PCGF5: variants seen among roughly 807,000 people sequenced by gnomAD.
PCGF5 encodes the protein polycomb group RING finger protein 5.
Under a neutral mutation model 44.3 loss-of-function variants are expected in PCGF5, and 9 were observed. The observed-to-expected ratio is 0.20, with a 90% confidence interval of 0.12 to 0.35. The LOEUF (loss-of-function observed/expected upper bound fraction) is 0.35, where lower values mean the gene tolerates loss of function less well. PCGF5 is among the 10% of genes least tolerant of loss of function. The pLI, the probability that PCGF5 is intolerant of heterozygous loss-of-function variation, is 1.00. For missense variants in PCGF5, 146 were observed against 305.3 expected (o/e 0.48, Z 3.89); for synonymous variants, 95 against 102.5 (o/e 0.93, Z 0.44).
chr10:91,262,424 T>C (rs867839424), intron 7 of PCGF5, among the ~76,000 whole-genome samples: 2 of 151,690 alleles, frequency 1.3e-5, no homozygotes, highest in African/African-American at 2.4e-5. Context: ...TGAGACTCCA[T>C]CTCAAAAAAA....
chr10:91,176,406 A>G (rs11186484), intron 1 of PCGF5, among the ~76,000 whole-genome samples: 54,663 of 151,896 alleles, frequency 0.36, 10,652 homozygotes, highest in East Asian at 0.52. Context: ...TGCTCTTCTC[A>G]AGGAGTATCT....
rs1259600040 is a variant in PCGF5, at chr10:91,283,310, G to A, written c.*4994G>A. The A allele has an allele frequency of 6.6e-6, 1 of 152,154 alleles. No homozygotes were observed. Among genetic ancestry groups the A allele is most frequent in the African/African-American group, 2.4e-5 (1 of 41,428 alleles). The allele number at this position is 152,154 out of a possible 1,614,324, so 9.4% of individuals were successfully genotyped here. A position where few individuals can be genotyped will look rare whatever the true frequency, so the allele number is the denominator to read the frequency against. On this transcript the variant is annotated 3_prime_UTR_variant, in exon 10 of 10. Coordinates refer to ENST00000336126, the MANE Select transcript of PCGF5 (RefSeq NM_032373.5). Reference sequence around the variant, plus strand: ...AATTATTTTAAATGCTCATTCAAATGTGTCTGTATACTTGCTATGCCCCTT... The same window carrying A: ...AATTATTTTAAATGCTCATTCAAATATGTCTGTATACTTGCTATGCCCCTT...
intron 1 of PCGF5, among the ~76,000 whole-genome samples, chr10:91,163,812 G>A (rs565138424): frequency 6.6e-6 from 1 of 151,530 alleles, no homozygotes; most frequent in South Asian, 2.1e-4. Context: ...CCCCCTGCGG[G>A]CGCTGCCCGC....
intron 1 of PCGF5, among the ~76,000 whole-genome samples, chr10:91,173,578 CTTT>C (rs59254639): frequency 2.6e-5 from 3 of 115,626 alleles, no homozygotes; most frequent in Non-Finnish European, 3.4e-5. Context: ...AGGGAGTTGG[CTTT>C]TTTTTTTTTT....
chr10:91,156,621 G>A, the PCGF5 span, among the ~76,000 whole-genome samples: 1 of 152,140 alleles, frequency 6.6e-6, no homozygotes, highest in East Asian at 1.9e-4. Flanking sequence ...GAGATTGCCT[G>A]TGTCATTCCC....
chr10:91,227,001 C>T (rs559437191), intron 2 of PCGF5, among the ~76,000 whole-genome samples: 4 of 151,880 alleles, frequency 2.6e-5, no homozygotes, highest in East Asian at 1.9e-4. Context: ...GAACTAAATC[C>T]GCATTAACCA....
intron 2 of PCGF5, among the ~76,000 whole-genome samples, chr10:91,239,695 T>C (rs1190596336): frequency 1.3e-5 from 2 of 152,176 alleles, no homozygotes; most frequent in Non-Finnish European, 1.5e-5. Flanking sequence ...AACATTGGCA[T>C]AGTATGTAGT....
intron 1 of PCGF5, among the ~76,000 whole-genome samples, chr10:91,164,787 C>G (rs919519097): frequency 6.6e-6 from 1 of 152,190 alleles, no homozygotes; most frequent in East Asian, 1.9e-4. Flanking sequence ...TTCTTGATCG[C>G]CTTCATTATC....
chr10:91,169,356 A>G (rs1460799203), intron 1 of PCGF5, among the ~76,000 whole-genome samples: 3 of 152,238 alleles, frequency 2.0e-5, no homozygotes, highest in Non-Finnish European at 4.4e-5. Flanking sequence ...TGAAGATGAC[A>G]TGATTGTTTA....
chr10:91,181,706 C>T (rs942557168), intron 1 of PCGF5, among the ~76,000 whole-genome samples: 6 of 152,110 alleles, frequency 3.9e-5, no homozygotes, highest in South Asian at 4.1e-4. Flanking sequence ...CCTTGCATCC[C>T]GGGGATGAAG....
At chr10:91,187,799 A>AT (rs1015376346) in intron 1 of PCGF5, among the ~76,000 whole-genome samples, 1 of 152,082 alleles carries the variant, frequency 6.6e-6, no homozygotes, top group Admixed American at 6.5e-5. Context: ...GAATTCTAGT[A>AT]TTTATTTTTC....
chr10:91,273,065 CCTT>C (rs1334674134), intron 9 of PCGF5, among the ~76,000 whole-genome samples: 3 of 152,114 alleles, frequency 2.0e-5, no homozygotes, highest in African/African-American at 7.2e-5. Context: ...AATTCTCGTG[CCTT>C]CATTAAAATG....
intron 1 of PCGF5, among the ~76,000 whole-genome samples, chr10:91,193,937 A>G (rs540124934): frequency 6.6e-6 from 1 of 152,296 alleles, no homozygotes; most frequent in South Asian, 2.1e-4. Flanking sequence ...TTTGTGACTT[A>G]GATTTGGGAT....
At chr10:91,264,827 T>C (rs1846008550) in intron 8 of PCGF5, among the ~76,000 whole-genome samples, 1 of 152,184 alleles carries the variant, frequency 6.6e-6, no homozygotes, top group Non-Finnish European at 1.5e-5. Flanking sequence ...TTGGAACATT[T>C]ATGTATATGG....
At chr10:91,238,434 TTGTTC>T (rs1564644892) in intron 2 of PCGF5, among the ~76,000 whole-genome samples, 1 of 152,154 alleles carries the variant, frequency 6.6e-6, no homozygotes. Flanking sequence ...AGGTGAGGAC[TTGTTC>T]TGGGCATGTC....
rs1846411313 is a variant in PCGF5 at position 91,279,918 on chromosome 10, A to G, written c.*1602A>G. ...ACAAAGTACAGCTAAATCTTAATAT[A>G]TTTCACTATGTAAAAGGCTGAAACT... is the stretch of plus-strand genomic sequence containing the variant. On this transcript the variant is annotated 3_prime_UTR_variant, in exon 10 of 10. Transcript: ENST00000336126. The G allele has an allele frequency of 6.6e-6, 1 of 152,080 alleles. No individual in the cohort carries two copies. The highest frequency in any genetic ancestry group is 1.5e-5 in the Non-Finnish European group (1 of 67,928). 9.4% of individuals were successfully genotyped at this position (152,080 alleles called of 1,614,324 possible). A position where few individuals can be genotyped will look rare whatever the true frequency, so the allele number is the denominator to read the frequency against.
intron 1 of PCGF5, among the ~76,000 whole-genome samples, chr10:91,200,153 C>A (rs902175061): frequency 7.2e-5 from 11 of 152,306 alleles, no homozygotes; most frequent in Admixed American, 3.9e-4. Context: ...GGAGAGGGCC[C>A]AGCCTGCTCC....
chr10:91,163,086 G>C (rs1010161792), intron 1 of PCGF5: 3 of 149,446 alleles, frequency 2.0e-5, no homozygotes, highest in African/African-American at 4.9e-5. Context: ...AGCAAGGTAA[G>C]GGCGATGCGC....
upstream of PCGF5, among the ~76,000 whole-genome samples, chr10:91,162,192 A>C (rs975812926): frequency 4.0e-5 from 6 of 151,450 alleles, no homozygotes; most frequent in African/African-American, 1.5e-4. Flanking sequence ...AGACTGAAAA[A>C]TGGAGGCCCA....
Sources: gnomAD v4.1 joint callset for allele counts (sites outside exome capture counted in the v4.1 genomes callset) on GRCh38, gnomAD v4.1.1 for gene constraint, MANE v1.5 for transcripts, NCBI Gene and HGNC (gene_info 2026-07-23, HGNC 2026-07-21) for gene names.